Variants in KLHL14 observed in about 807,000 individuals in gnomAD.
KLHL14 encodes kelch like family member 14, also known as kelch-like protein 14.
KLHL14 carries 22 observed loss-of-function variants against 64.3 expected under a neutral mutation model. The ratio of observed to expected loss-of-function variants is 0.34; its 90% CI spans 0.24 to 0.49. The LOEUF is 0.49. Among genes scored for constraint, KLHL14 ranks in the 20% least tolerant of loss-of-function variants. The probability of loss-of-function intolerance (pLI) is 0.99; values close to 1 mark genes in which losing one functional copy is unlikely to be tolerated. For missense variants in KLHL14, 661 were observed against 789.0 expected (o/e 0.84, Z 1.94); for synonymous variants, 322 against 333.4 (o/e 0.97, Z 0.37).
chr18:32,771,914 C>G (rs1460997143), intron 1 of KLHL14: 2 of 163,826 alleles, frequency 1.2e-5, no homozygotes, highest in Non-Finnish European at 2.6e-5. Flanking sequence ...GCCCCCCACT[C>G]GGGCACCCCC....
chr18:32,742,802 T>C (rs571070623), intron 2 of KLHL14: 2 of 152,390 alleles, frequency 1.3e-5, no homozygotes, highest in Admixed American at 6.5e-5. Flanking sequence ...TGCTCAACTG[T>C]GCAAAGTCAC....
chr18:32,742,430 T>C (rs1719291798), intron 2 of KLHL14, among the ~76,000 whole-genome samples: 1 of 152,136 alleles, frequency 6.6e-6, no homozygotes, highest in African/African-American at 2.4e-5. Flanking sequence ...TCAAAATCAT[T>C]ATTATAAGCC....
intron 4 of KLHL14, among the ~76,000 whole-genome samples, chr18:32,694,029 G>A (rs144260035): frequency 2.1e-3 from 312 of 152,176 alleles, no homozygotes; most frequent in Non-Finnish European, 3.1e-3. Context: ...GGTTTTCTGT[G>A]TTGCTGCTTA....
At chr18:32,718,581 GA>G (rs1304840430) in intron 3 of KLHL14, among the ~76,000 whole-genome samples, 3 of 152,136 alleles carry the variant, frequency 2.0e-5, no homozygotes, top group Admixed American at 2.0e-4. Context: ...GTAGCACCAA[GA>G]AACAGATTAG....
intron 2 of KLHL14, among the ~76,000 whole-genome samples, chr18:32,746,165 C>A (rs910668414): frequency 1.3e-5 from 2 of 152,164 alleles, no homozygotes; most frequent in African/African-American, 4.8e-5. Flanking sequence ...TTTTACCCAA[C>A]CCAGACCAAA....
intron 3 of KLHL14, among the ~76,000 whole-genome samples, chr18:32,732,423 C>T (rs911206810): frequency 2.6e-5 from 4 of 152,160 alleles, no homozygotes; most frequent in Non-Finnish European, 5.9e-5. Flanking sequence ...CATAAGGGTG[C>T]ACTGTTGTAA....
chr18:32,744,034 C>T (rs1263775815), intron 2 of KLHL14: 1 of 152,210 alleles, frequency 6.6e-6, no homozygotes, highest in Non-Finnish European at 1.5e-5. Flanking sequence ...TAACATCACT[C>T]GTCCACATGC....
At chr18:32,715,246 C>G (rs538020728) in intron 3 of KLHL14, among the ~76,000 whole-genome samples, 1 of 152,190 alleles carries the variant, frequency 6.6e-6, no homozygotes, top group East Asian at 1.9e-4. Flanking sequence ...GCCCTTTAGT[C>G]TATAAGCAAC....
At position 32,769,730 on chromosome 18, in the gene KLHL14, G is replaced by C. The variant is rs2050367508; in HGVS notation, c.862C>G (p.Pro288Ala). ...TCCAGCAGCAGCTTCTGGCAGACCG[G>C]GTCGGTTCGCATGAAATCCACTGAC... ...VQSVDFMRTD[P>A]VCQKLLLDAM... The change falls in exon 2 of 9, where the codon CCG becomes GCG. Residue 288 changes from proline to alanine, a missense_variant. Pro to Ala is a conservative substitution (Grantham distance 27). Around this residue, in one of 2 missense-constraint regions of KLHL14, gnomAD observed 330 missense variants for 450.0 expected, o/e 0.73. Transcript: ENST00000359358. 6.3e-7 allele frequency: 1 copy of C among 1,596,392 alleles called. No individual in the cohort carries two copies. The highest frequency in any genetic ancestry group is 1.3e-5 in the African/African-American group (1 of 74,658).
In KLHL14 at chr18:32,769,886, G is replaced by T; in HGVS notation, c.706C>A (p.Leu236Met). 1 of 1,614,042 alleles carries T rather than the reference G, an allele frequency of 6.2e-7. No individual in the cohort carries two copies. The highest frequency in any genetic ancestry group is 8.5e-7 in the Non-Finnish European group (1 of 1,180,030). ...DSLPPPVESE[L>M]ALFQMSVLWL... ...AGCACGGACATCTGGAAGAGCGCCA[G>T]CTCCGACTCCACGGGGGGCGGCAGC... Residue 236 changes from leucine (L) to methionine (M), a missense_variant, in exon 2 of 9, where the codon CTG (leucine) becomes ATG (methionine). By Grantham distance (15) the Leu-to-Met change is conservative (BLOSUM62 2). Transcript: ENST00000359358.
intron 3 of KLHL14, among the ~76,000 whole-genome samples, chr18:32,701,081 C>T (rs749447774): frequency 1.1e-4 from 16 of 152,130 alleles, no homozygotes; most frequent in Non-Finnish European, 2.1e-4. Flanking sequence ...CTGGCATTAT[C>T]GTCCACTGAA....
chr18:32,744,052 CT>C (rs1438736808), intron 2 of KLHL14: 1 of 152,212 alleles, frequency 6.6e-6, no homozygotes, highest in Non-Finnish European at 1.5e-5. Context: ...TGCCGCCAGA[CT>C]GCAGTTGGGG....
intron 3 of KLHL14, among the ~76,000 whole-genome samples, chr18:32,726,380 T>C (rs1315886961): frequency 2.6e-5 from 4 of 152,132 alleles, no homozygotes; most frequent in Non-Finnish European, 5.9e-5. Flanking sequence ...TCCCAGCACT[T>C]TGGGAGGCAG....
chr18:32,690,465 C>T (rs964086734), intron 4 of KLHL14, among the ~76,000 whole-genome samples: 1 of 152,132 alleles, frequency 6.6e-6, no homozygotes, highest in Non-Finnish European at 1.5e-5. Context: ...CATGGTGGCT[C>T]ATGCCTGTAA....
chr18:32,711,930 T>G (rs141587556), intron 3 of KLHL14, among the ~76,000 whole-genome samples: 326 of 152,362 alleles, frequency 2.1e-3, no homozygotes, highest in Non-Finnish European at 3.3e-3. Context: ...CATCGCTATG[T>G]GAATAAGCCT....
Position 32,680,291 on chromosome 18 carries a change from T to C in KLHL14, c.1466A>G (p.Tyr489Cys), listed in dbSNP as rs773015933. 1 of 1,613,924 alleles carries C rather than the reference T, an allele frequency of 6.2e-7. No homozygotes were observed. Among genetic ancestry groups the C allele is most frequent in the Non-Finnish European group, 8.5e-7 (1 of 1,179,862 alleles). ...GACATCCATTACTGGGTCATAGCAATATAGCCATGGGACATATTCTCCATT... is the reference window on the plus strand; with the variant it reads ...GACATCCATTACTGGGTCATAGCAACATAGCCATGGGACATATTCTCCATT... ...VHNGEYVPWL[Y>C]CYDPVMDVWA... The change falls in exon 7 of 9, where the codon TAT becomes TGT. Residue 489 changes from tyrosine to cysteine, a missense_variant. This residue lies in a region of KLHL14 where 330 missense variants were observed against 450.0 expected (regional missense o/e 0.73). Transcript: ENST00000359358. The surrounding 1 kb of genome is among the most constrained non-coding windows in gnomAD (Gnocchi z 4.8).
chr18:32,727,820 G>A (rs1415984683), intron 3 of KLHL14, among the ~76,000 whole-genome samples: 2 of 152,156 alleles, frequency 1.3e-5, no homozygotes, highest in African/African-American at 4.8e-5. Flanking sequence ...AGATTTACCA[G>A]TATGACATGG....
At chr18:32,688,117 A>C (rs2049888536) in intron 4 of KLHL14, among the ~76,000 whole-genome samples, 1 of 152,238 alleles carries the variant, frequency 6.6e-6, no homozygotes, top group Non-Finnish European at 1.5e-5. Flanking sequence ...AAATGGAAGC[A>C]AAATAATATA....
chr18:32,716,991 C>T (rs1046307672), intron 3 of KLHL14, among the ~76,000 whole-genome samples: 3 of 152,128 alleles, frequency 2.0e-5, no homozygotes, highest in Admixed American at 2.0e-4. Context: ...AAGGCCAACT[C>T]GGAATGAGAT....
Sources: gnomAD v4.1 joint callset for allele counts (sites outside exome capture counted in the v4.1 genomes callset) on GRCh38, gnomAD v4.1.1 for gene constraint, gnomAD v4.1.1 regional missense constraint, Gnocchi (gnomAD v3.1) non-coding constraint, MANE v1.5 for transcripts, NCBI Gene and HGNC (gene_info 2026-07-23, HGNC 2026-07-21) for gene names.